LAMA3: variants seen among roughly 807,000 people sequenced by gnomAD.
LAMA3 encodes the protein laminin subunit alpha-3.
In LAMA3, 281 loss-of-function variants were observed where a neutral mutation model predicts 402.0. The ratio of observed to expected loss-of-function variants is 0.70; its 90% CI spans 0.63 to 0.77. The LOEUF is 0.77. Ranked by LOEUF, LAMA3 falls within the 30% of genes least tolerant of loss-of-function variation. The pLI, the probability that LAMA3 is intolerant of heterozygous loss-of-function variation, is 0.00. For missense variants in LAMA3, 3,840 were observed against 4,215.5 expected (o/e 0.91, Z 2.47); for synonymous variants, 1,431 against 1,558.4 (o/e 0.92, Z 1.93).
At chr18:23,741,309 G>A (rs1488294363) in intron 2 of LAMA3, among the ~76,000 whole-genome samples, 1 of 152,094 alleles carries the variant, frequency 6.6e-6, no homozygotes, top group African/African-American at 2.4e-5. Flanking sequence ...TGTTCTTGCT[G>A]AACTATTGGC....
intron 1 of LAMA3, among the ~76,000 whole-genome samples, chr18:23,701,291 A>C (rs1333367377): frequency 6.6e-6 from 1 of 152,196 alleles, no homozygotes; most frequent in African/African-American, 2.4e-5. Flanking sequence ...CAGAGATGGA[A>C]GAGCTGAGTT....
At chr18:23,784,537 A>G (rs2062502365) in intron 12 of LAMA3, among the ~76,000 whole-genome samples, 1 of 152,144 alleles carries the variant, frequency 6.6e-6, no homozygotes. Context: ...GATTAGAAAG[A>G]TGGGAAGGTG....
chr18:23,873,120 CTGG>C lies in LAMA3; in HGVS notation c.4998+1460_4998+1462del. On this transcript the variant is annotated intron_variant, in intron 38 of 74. Coordinates refer to ENST00000313654, the MANE Select transcript of LAMA3 (RefSeq NM_198129.4). ...CTTTGGGGCAGCCCTGGGGCAGTGT[CTGG>C]GCTACAGTTCACAGCAGCAAAGGGT... 2.5e-6 allele frequency: 4 copies of C among 1,614,236 alleles called. No homozygotes were observed. In the South Asian group the frequency reaches 4.4e-5, roughly 18 times the overall value.
At chr18:23,756,557 T>C (rs2061848910) in intron 6 of LAMA3, among the ~76,000 whole-genome samples, 1 of 150,926 alleles carries the variant, frequency 6.6e-6, no homozygotes, top group South Asian at 2.1e-4. Context: ...TCAAGCATCT[T>C]GGTTTAGATT....
At chr18:23,878,638 A>G (rs1222480157) in intron 39 of LAMA3, among the ~76,000 whole-genome samples, 1 of 152,242 alleles carries the variant, frequency 6.6e-6, no homozygotes, top group Non-Finnish European at 1.5e-5. Flanking sequence ...AAAGAACAGT[A>G]AAGAGGAAAT....
intron 11 of LAMA3, among the ~76,000 whole-genome samples, chr18:23,780,835 C>T (rs1044920943): frequency 6.6e-6 from 1 of 152,146 alleles, no homozygotes; most frequent in Admixed American, 6.5e-5. Context: ...CGTATTCTGT[C>T]CTGCAGGCAT....
chr18:23,747,829 G>C, intron 2 of LAMA3, 114 bp from the exon 3 acceptor site: 3 of 748,234 alleles, frequency 4.0e-6, no homozygotes, highest in Non-Finnish European at 4.9e-6. Context: ...TCGGGATCTT[G>C]AGCAAGGGAT....
intron 33 of LAMA3, 103 bp downstream of exon 33, chr18:23,858,091 T>A: frequency 7.5e-7 from 1 of 1,335,398 alleles, no homozygotes; most frequent in Non-Finnish European, 1.1e-6. Context: ...GACTGACCCG[T>A]AAGAGATGTT....
chr18:23,799,848 T>C (rs1365091111), intron 12 of LAMA3, among the ~76,000 whole-genome samples: 5 of 151,640 alleles, frequency 3.3e-5, no homozygotes, highest in African/African-American at 9.7e-5. Flanking sequence ...AAGAAAAGAG[T>C]TGATTCTGCA....
intron 23 of LAMA3, among the ~76,000 whole-genome samples, chr18:23,829,678 A>G (rs1033337590): frequency 1.3e-5 from 2 of 152,174 alleles, no homozygotes; most frequent in South Asian, 2.1e-4. Context: ...TCTTATATGC[A>G]TATATAACAT....
At chr18:23,926,794 C>T (rs951917499) in intron 62 of LAMA3, among the ~76,000 whole-genome samples, 15 of 152,192 alleles carry the variant, frequency 9.9e-5, no homozygotes, top group African/African-American at 3.4e-4. Flanking sequence ...GGGAAATGCC[C>T]TGGGGCCATG....
Position 23,900,064 on chromosome 18 carries a change from T to C in LAMA3, c.6004+609T>C, listed in dbSNP as rs538813195. Among the ~76,000 whole-genome samples the C allele has an allele frequency of 2.4e-4, 11 of 45,944 alleles. No homozygotes were observed. In the South Asian group the frequency reaches 0.01, roughly 42 times the overall value. 30.1% of individuals were successfully genotyped at this position (45,944 alleles called of 152,430 possible). A position where few individuals can be genotyped will look rare whatever the true frequency, so the allele number is the denominator to read the frequency against. Reference sequence around the variant, plus strand: ...CTGTGCATGAAATGAACTTTGTGTGTGTGTGCGTGTGTGTGTGTGTGTATG... The same window carrying C: ...CTGTGCATGAAATGAACTTTGTGTGCGTGTGCGTGTGTGTGTGTGTGTATG... On this transcript the variant is annotated intron_variant, in intron 47 of 74. Transcript: ENST00000313654.
intron 60 of LAMA3, 122 bp downstream of exon 60, chr18:23,916,817 C>T (rs2081642585): frequency 2.1e-6 from 2 of 944,138 alleles, no homozygotes; most frequent in East Asian, 2.5e-5. Flanking sequence ...ATGTTACCTG[C>T]ATCCTTTTCC....
intron 13 of LAMA3, among the ~76,000 whole-genome samples, chr18:23,812,358 G>A (rs960126916): frequency 1.3e-5 from 2 of 152,154 alleles, no homozygotes; most frequent in Non-Finnish European, 2.9e-5. Context: ...GAGAGTGAGA[G>A]AGAGAATGAA....
intron 12 of LAMA3, among the ~76,000 whole-genome samples, chr18:23,801,271 C>T (rs1392177277): frequency 6.6e-6 from 1 of 152,104 alleles, no homozygotes; most frequent in Non-Finnish European, 1.5e-5. Flanking sequence ...GAACAAAAGA[C>T]ACTGGAGGAC....
chr18:23,813,949 T>G (rs1384742662), intron 14 of LAMA3, among the ~76,000 whole-genome samples: 1 of 152,240 alleles, frequency 6.6e-6, no homozygotes, highest in African/African-American at 2.4e-5. Context: ...AAAGAGGTTC[T>G]GCCATCCTTC....
intron 52 of LAMA3, among the ~76,000 whole-genome samples, chr18:23,906,911 G>A (rs2081267333): frequency 6.6e-6 from 1 of 152,128 alleles, no homozygotes; most frequent in African/African-American, 2.4e-5. Flanking sequence ...AGCATTTGCT[G>A]GTCATTTTTG....
At chr18:23,713,282 C>A (rs1358806926) in intron 1 of LAMA3, among the ~76,000 whole-genome samples, 1 of 152,214 alleles carries the variant, frequency 6.6e-6, no homozygotes, top group Non-Finnish European at 1.5e-5. Flanking sequence ...CCCCTGTGCC[C>A]TTGCTCGTGC....
chr18:23,931,150 C>A lies in LAMA3; in HGVS notation c.8525C>A (p.Thr2842Lys). Residue 2842 changes from threonine to lysine, a missense_variant, in exon 65 of 75, where the codon ACG (threonine) becomes AAG (lysine). Coordinates refer to ENST00000313654, the MANE Select transcript of LAMA3 (RefSeq NM_198129.4). ...SGGPIFKSPQ[T>K]YMDGLLHYVS... Reference sequence around the variant, plus strand: ...GGCCCAATTTTTAAATCTCCACAGACGTATATGGATGGTTTACTGCATTAT... The same window carrying A: ...GGCCCAATTTTTAAATCTCCACAGAAGTATATGGATGGTTTACTGCATTAT... 1 of 1,612,908 alleles carries A rather than the reference C, an allele frequency of 6.2e-7. No individual in the cohort carries two copies. Among genetic ancestry groups the A allele is most frequent in the Non-Finnish European group, 8.5e-7 (1 of 1,178,854 alleles).
Sources: allele counts gnomAD v4.1 joint callset (sites outside exome capture counted in the v4.1 genomes callset), GRCh38; gene constraint gnomAD v4.1.1; transcripts MANE v1.5; gene names NCBI Gene and HGNC (gene_info 2026-07-23, HGNC 2026-07-21).